Variants in NTMT2 observed in about 807,000 individuals in gnomAD.
The protein encoded by NTMT2 is X-Pro-Lys N-terminal protein methyltransferase 1B.
NTMT2 carries 21 observed loss-of-function variants against 23.4 expected under a neutral mutation model. The ratio of observed to expected loss-of-function variants is 0.90; its 90% CI spans 0.64 to 1.29. The LOEUF is 1.29. Among genes scored for constraint, NTMT2 ranks in the 50% most tolerant of loss-of-function variants. The pLI is 0.00. For synonymous variants in NTMT2, 131 were observed against 127.7 expected, an observed-to-expected ratio of 1.03 and a Z score of -0.17; for missense variants, 336 against 352.0, an observed-to-expected ratio of 0.95 and a Z score of 0.36.
At chr1:170,150,382 TG>T (rs1421674083) in intron 1 of NTMT2, among the ~76,000 whole-genome samples, 6 of 152,242 alleles carry the variant, frequency 3.9e-5, no homozygotes, top group Admixed American at 6.5e-5. Context: ...AGCCTATCAT[TG>T]TTCTCAGTGT....
chr1:170,160,750 C>T (rs1000663579), intron 2 of NTMT2, 57 bp downstream of exon 2: 13 of 1,394,594 alleles, frequency 9.3e-6, no homozygotes, highest in South Asian at 3.1e-5. Context: ...ACATTGAGCT[C>T]GCATGCCTCT....
At chr1:170,154,136 T>A (rs190066652) in intron 1 of NTMT2, among the ~76,000 whole-genome samples, 1 of 152,220 alleles carries the variant, frequency 6.6e-6, no homozygotes, top group African/African-American at 2.4e-5. Context: ...GGCTTCCACA[T>A]GGTGTTAAGC....
chr1:170,166,145 T>TTC (rs1557909991), intron 2 of NTMT2, among the ~76,000 whole-genome samples: 6 of 127,622 alleles, frequency 4.7e-5, no homozygotes, highest in African/African-American at 1.7e-4. Context: ...TTTTTCTTTT[T>TTC]TTTTTTTTTT....
chr1:170,159,420 GGTTTT>G (rs568479345), intron 1 of NTMT2, among the ~76,000 whole-genome samples: 8,265 of 88,230 alleles, frequency 0.094, 773 homozygotes, highest in African/African-American at 0.31. Context: ...TTTATGCTCT[GGTTTT>G]TTTTTTTTTT....
At chr1:170,166,152 T>TTC (rs1673379196) in intron 2 of NTMT2, among the ~76,000 whole-genome samples, 1 of 142,168 alleles carries the variant, frequency 7.0e-6, no homozygotes, top group Non-Finnish European at 1.5e-5. Flanking sequence ...TTTTTTTTTT[T>TTC]TTTTTGAGAC....
At chr1:170,166,040 TACACA>T (rs1673371482) in intron 2 of NTMT2, among the ~76,000 whole-genome samples, 1 of 151,898 alleles carries the variant, frequency 6.6e-6, no homozygotes, top group South Asian at 2.1e-4. Context: ...CATCAAATTG[TACACA>T]AGAAATGGTA....
At chr1:170,155,340 T>A (rs1174520598) in intron 1 of NTMT2, among the ~76,000 whole-genome samples, 1 of 152,130 alleles carries the variant, frequency 6.6e-6, no homozygotes, top group Non-Finnish European at 1.5e-5. Flanking sequence ...AATCCAGGAA[T>A]GTCTTACTCC....
Position 170,167,356 on chromosome 1 carries a change from A to C in NTMT2, c.581-130A>C, listed in dbSNP as rs548030570. 3.6e-6 allele frequency: 3 copies of C among 834,722 alleles called. No individual in the cohort carries two copies. The East Asian group carries it at 8.0e-5, about 22-fold the overall frequency. The allele number at this position is 834,722 out of a possible 1,614,324, so 51.7% of individuals were successfully genotyped here. A position where few individuals can be genotyped will look rare whatever the true frequency, so the allele number is the denominator to read the frequency against. ...TAAATTTTCAAAGCCTCCTGTAACTAAATGAGGCTATTAAATCATGAATGA... is the reference window on the plus strand; with the variant it reads ...TAAATTTTCAAAGCCTCCTGTAACTCAATGAGGCTATTAAATCATGAATGA... On this transcript the variant is annotated intron_variant, in intron 3 of 3. Coordinates refer to ENST00000439373, the MANE Select transcript of NTMT2 (RefSeq NM_001136107.2).
At chr1:170,162,837 G>T (rs1418799437) in intron 2 of NTMT2, among the ~76,000 whole-genome samples, 1 of 150,746 alleles carries the variant, frequency 6.6e-6, no homozygotes, top group Non-Finnish European at 1.5e-5. Flanking sequence ...TTTGTCTCAT[G>T]AAACTGAAAA....
intron 1 of NTMT2, among the ~76,000 whole-genome samples, chr1:170,155,411 C>T (rs1044727650): frequency 6.6e-6 from 1 of 152,076 alleles, no homozygotes; most frequent in Non-Finnish European, 1.5e-5. Context: ...CTCCTCTCTT[C>T]CTTCCTTTTT....
At chr1:170,151,444 G>A (rs1198335970) in intron 1 of NTMT2, 2 of 153,642 alleles carry the variant, frequency 1.3e-5, no homozygotes, top group Non-Finnish European at 2.9e-5. Flanking sequence ...TGCCATCAAA[G>A]TTAAAAGCCA....
intron 2 of NTMT2, among the ~76,000 whole-genome samples, chr1:170,165,413 A>C (rs954681674): frequency 6.6e-6 from 1 of 152,284 alleles, no homozygotes; most frequent in East Asian, 1.9e-4. Context: ...TACCAAAAAA[A>C]CCCAGAAAAC....
intron 2 of NTMT2, among the ~76,000 whole-genome samples, chr1:170,162,419 T>C (rs1673291471): frequency 6.6e-6 from 1 of 152,190 alleles, no homozygotes; most frequent in Non-Finnish European, 1.5e-5. Context: ...TGACAGTAGA[T>C]AAAAATGTGA....
chr1:170,149,866 C>T (rs1005836727), intron 1 of NTMT2, among the ~76,000 whole-genome samples: 34 of 152,276 alleles, frequency 2.2e-4, no homozygotes, highest in South Asian at 1.7e-3. Context: ...TTACCAAAAA[C>T]GATAAACTTA....
At chr1:170,150,882 G>C (rs545257840) in intron 1 of NTMT2, among the ~76,000 whole-genome samples, 1 of 152,194 alleles carries the variant, frequency 6.6e-6, no homozygotes, top group Admixed American at 6.5e-5. Flanking sequence ...GTGCTCAAAG[G>C]GCTCAACTGG....
chr1:170,152,730 G>A (rs1002587891), intron 1 of NTMT2, among the ~76,000 whole-genome samples: 5 of 151,882 alleles, frequency 3.3e-5, no homozygotes, highest in Non-Finnish European at 5.9e-5. Flanking sequence ...CACCATTGTT[G>A]ATGAAAAATA....
chr1:170,167,751 C>A lies in NTMT2; in HGVS notation c.846C>A (p.His282Gln), dbSNP rs1673426250. The A allele has an allele frequency of 1.1e-5, 17 of 1,547,420 alleles. No individual in the cohort carries two copies. The highest frequency in any genetic ancestry group is 1.4e-5 in the Non-Finnish European group (16 of 1,144,638). Residue 282 changes from histidine (H) to glutamine (Q), a missense_variant, in exon 4 of 4, where the codon CAC (histidine) becomes CAA (glutamine). Transcript: ENST00000439373. Reference protein sequence around the residue: ...VWMFALHSDRHS With the variant: ...VWMFALHSDRQS ...TGTTCGCACTGCACAGCGACAGACA[C>A]TCCTGAAAAAGCAGTGGGAATGAAC... is the stretch of plus-strand genomic sequence containing the variant.
intron 1 of NTMT2, among the ~76,000 whole-genome samples, chr1:170,152,592 A>G (rs769411593): frequency 3.3e-5 from 5 of 152,144 alleles, no homozygotes; most frequent in Non-Finnish European, 7.4e-5. Flanking sequence ...CCTAAAGCCT[A>G]TAGGGAGCAA....
intron 1 of NTMT2, among the ~76,000 whole-genome samples, chr1:170,149,543 G>T (rs1673026869): frequency 6.6e-6 from 1 of 152,158 alleles, no homozygotes; most frequent in Admixed American, 6.5e-5. Flanking sequence ...CATTTACCAT[G>T]GTTCCCGGCA....
Sources: allele counts gnomAD v4.1 joint callset (sites outside exome capture counted in the v4.1 genomes callset), GRCh38; gene constraint gnomAD v4.1.1; transcripts MANE v1.5; gene names NCBI Gene and HGNC (gene_info 2026-07-23, HGNC 2026-07-21).